Variants in RTTN observed in about 807,000 individuals in gnomAD.
The protein encoded by RTTN is rotatin.
RTTN carries 182 observed loss-of-function variants against 269.2 expected under a neutral mutation model. The observed-to-expected ratio is 0.68, with a 90% CI of 0.60 to 0.76. The LOEUF is 0.76. Ranked by LOEUF, RTTN falls within the 30% of genes least tolerant of loss-of-function variation. The probability of loss-of-function intolerance (pLI) is 0.00; values close to 1 mark genes in which losing one functional copy is unlikely to be tolerated. For missense variants in RTTN, 2,545 were observed against 2,608.6 expected (o/e 0.98, Z 0.53); for synonymous variants, 1,006 against 963.5 (o/e 1.04, Z -0.82).
intron 34 of RTTN, among the ~76,000 whole-genome samples, chr18:70,071,246 A>T (rs1268556727): frequency 6.6e-6 from 1 of 152,214 alleles, no homozygotes; most frequent in African/African-American, 2.4e-5. Context: ...AAGTGTAAAA[A>T]TTCTCTTTAA....
chr18:70,122,040 G>A (rs141706801), intron 25 of RTTN, among the ~76,000 whole-genome samples: 10 of 152,238 alleles, frequency 6.6e-5, no homozygotes, highest in African/African-American at 2.4e-4. Context: ...TTTTCATACT[G>A]GGAATGTCAT....
At chr18:70,049,020 G>A (rs1013674199) in intron 39 of RTTN, among the ~76,000 whole-genome samples, 7 of 152,052 alleles carry the variant, frequency 4.6e-5, no homozygotes, top group Non-Finnish European at 1.0e-4. Context: ...TTGAAGGAAG[G>A]TTTTGAATTT....
intron 40 of RTTN, among the ~76,000 whole-genome samples, chr18:70,047,373 C>A (rs73964479): frequency 0.027 from 4,064 of 152,276 alleles, 179 homozygotes; most frequent in African/African-American, 0.092. Flanking sequence ...AAAAATTACT[C>A]ATCTACTTAT....
chr18:70,186,452 C>G (rs559307035), intron 10 of RTTN, among the ~76,000 whole-genome samples: 1 of 152,176 alleles, frequency 6.6e-6, no homozygotes, highest in East Asian at 1.9e-4. Context: ...TGCTGTACTA[C>G]TACATAAACA....
At chr18:70,028,923 C>G in intron 42 of RTTN, 122 bp from the exon 43 acceptor site, 1 of 542,596 alleles carries the variant, frequency 1.8e-6, no homozygotes, top group Non-Finnish European at 3.2e-6. Flanking sequence ...CATGCCCAAC[C>G]ACTGTAACTT....
At chr18:70,150,474 A>G in intron 15 of RTTN, 134 bp downstream of exon 15, 1 of 775,846 alleles carries the variant, frequency 1.3e-6, no homozygotes, top group Non-Finnish European at 2.2e-6. Flanking sequence ...ATAACACTTC[A>G]ACTGAACCAA....
At chr18:70,119,724 T>C (rs928387632) in intron 26 of RTTN, among the ~76,000 whole-genome samples, 1 of 152,252 alleles carries the variant, frequency 6.6e-6, no homozygotes, top group African/African-American at 2.4e-5. Flanking sequence ...TCTATAAATA[T>C]ACTTGCATAT....
chr18:70,031,708 T>C (rs886568111), intron 40 of RTTN, among the ~76,000 whole-genome samples: 4 of 150,866 alleles, frequency 2.7e-5, no homozygotes, highest in Non-Finnish European at 4.4e-5. Context: ...GATGGCCAAC[T>C]AGATACAGCC....
chr18:70,058,271 C>T (rs1250149807), intron 36 of RTTN, among the ~76,000 whole-genome samples: 1 of 152,204 alleles, frequency 6.6e-6, no homozygotes, highest in African/African-American at 2.4e-5. Context: ...AATCCCAGCA[C>T]TTTGGGAGGC....
At chr18:70,122,299 CA>C (rs1267191472) in intron 25 of RTTN, among the ~76,000 whole-genome samples, 3 of 151,226 alleles carry the variant, frequency 2.0e-5, no homozygotes, top group African/African-American at 7.3e-5. Flanking sequence ...GATTAGTAGA[CA>C]ATAAAACTTT....
chr18:70,065,010 G>A (rs1336005867), intron 35 of RTTN, among the ~76,000 whole-genome samples: 2 of 152,040 alleles, frequency 1.3e-5, no homozygotes, highest in Admixed American at 6.6e-5. Flanking sequence ...ATTTTCTACA[G>A]TTAAATAATT....
At chr18:70,076,308 C>G (rs2058428361) in intron 32 of RTTN, among the ~76,000 whole-genome samples, 1 of 152,010 alleles carries the variant, frequency 6.6e-6, no homozygotes, top group East Asian at 1.9e-4. Context: ...GATTTCAAAA[C>G]AGGCCATAAG....
At chr18:70,100,707 G>A (rs1363770508) in intron 28 of RTTN, among the ~76,000 whole-genome samples, 1 of 152,182 alleles carries the variant, frequency 6.6e-6, no homozygotes, top group African/African-American at 2.4e-5. Flanking sequence ...GATATTGGCT[G>A]TGGGTCTGTC....
intron 11 of RTTN, among the ~76,000 whole-genome samples, chr18:70,171,430 A>G (rs1555771291): frequency 6.6e-6 from 1 of 152,212 alleles, no homozygotes; most frequent in Non-Finnish European, 1.5e-5. Context: ...AGCACTCAAT[A>G]AATATTAATT....
chr18:70,063,728 T>G (rs186860802), intron 35 of RTTN, among the ~76,000 whole-genome samples: 4 of 152,260 alleles, frequency 2.6e-5, no homozygotes, highest in Admixed American at 2.6e-4. Flanking sequence ...ATAGAAACCT[T>G]TTTTGAATTT....
At chr18:70,199,915 T>C (rs1489160811) in intron 4 of RTTN, among the ~76,000 whole-genome samples, 1 of 152,240 alleles carries the variant, frequency 6.6e-6, no homozygotes, top group Non-Finnish European at 1.5e-5. Flanking sequence ...TGATATACCA[T>C]ATCTAGCCAT....
chr18:70,101,681 T>C (rs2059171359), intron 28 of RTTN, among the ~76,000 whole-genome samples: 1 of 152,228 alleles, frequency 6.6e-6, no homozygotes, highest in African/African-American at 2.4e-5. Flanking sequence ...GGTGTCAATT[T>C]TAGATCTTTC....
chr18:70,196,738 T>C, intron 6 of RTTN, 90 bp from the exon 7 acceptor site: 1 of 1,272,398 alleles, frequency 7.9e-7, no homozygotes, highest in Non-Finnish European at 1.1e-6. Flanking sequence ...TAAGCCTAAG[T>C]GAATAATCAA....
chr18:70,089,664 G>C (rs1268507577), intron 30 of RTTN, among the ~76,000 whole-genome samples: 4 of 152,120 alleles, frequency 2.6e-5, no homozygotes, highest in African/African-American at 9.7e-5. Context: ...ACAAAAATGA[G>C]GAAAGTGTTA....
Sources: allele counts gnomAD v4.1 joint callset (sites outside exome capture counted in the v4.1 genomes callset), GRCh38; gene constraint gnomAD v4.1.1; transcripts MANE v1.5; gene names NCBI Gene and HGNC (gene_info 2026-07-23, HGNC 2026-07-21).